SMARCA2: variants seen among roughly 807,000 people sequenced by gnomAD.
The protein encoded by SMARCA2 is SWI/SNF related BAF chromatin remodeling complex subunit ATPase 2.
A neutral mutation model predicts 199.8 loss-of-function variants in SMARCA2; 61 were observed. That is an observed-to-expected ratio of 0.31 (90% CI 0.25 to 0.38). The LOEUF is 0.38. Among genes scored for constraint, SMARCA2 ranks in the 10% least tolerant of loss-of-function variants. SMARCA2 has a pLI of 1.00. For missense variants in SMARCA2, 1,344 were observed against 2,012.2 expected (o/e 0.67, Z 6.35); for synonymous variants, 935 against 732.0 (o/e 1.28, Z -4.48).
chr9:2,146,600 G>C (rs1040788681), intron 27 of SMARCA2, among the ~76,000 whole-genome samples: 7 of 152,176 alleles, frequency 4.6e-5, no homozygotes, highest in African/African-American at 1.7e-4. Context: ...ACAGTAAAGA[G>C]AAAGCAAGTT....
rs1349635282 is a variant in SMARCA2 at position 2,017,048 on chromosome 9, C to G, written c.-37+1644C>G. On this transcript the variant is annotated intron_variant, in intron 1 of 33. Transcript: ENST00000349721. The surrounding 1 kb of genome is among the most constrained non-coding windows in gnomAD (Gnocchi z 8.8). ...GGGCGGGGCGCGGCAGTGCGGGCTC[C>G]GGCGGACACCCGCGCCTTGGCCGGG... 1 of 152,220 alleles carries G rather than the reference C, an allele frequency of 6.6e-6. No individual in the cohort carries two copies. The highest frequency in any genetic ancestry group is 1.5e-5 in the Non-Finnish European group (1 of 68,082). 9.4% of individuals were successfully genotyped at this position (152,220 alleles called of 1,614,324 possible). A position where few individuals can be genotyped will look rare whatever the true frequency, so the allele number is the denominator to read the frequency against.
chr9:2,092,204 G>T (rs939725141), intron 19 of SMARCA2, among the ~76,000 whole-genome samples: 1 of 151,996 alleles, frequency 6.6e-6, no homozygotes, highest in Non-Finnish European at 1.5e-5. Flanking sequence ...CTTGCAATTG[G>T]CTGGGTATTT....
rs377073211 is a variant in SMARCA2, at chr9:2,110,305, C to T, written c.3344C>T (p.Pro1115Leu). 26 of 1,613,536 alleles carry T rather than the reference C, an allele frequency of 1.6e-5. No individual in the cohort carries two copies. Among genetic ancestry groups the T allele is most frequent in the East Asian group, 1.6e-4 (7 of 44,836 alleles). ...RAALLKKFNE[P>L]GSQYFIFLLS... ...GCTTTGCTGAAGAAATTCAATGAAC[C>T]TGGATCCCAGTATTTCATTTTCTTG... The change falls in exon 24 of 34, where the codon CCT (proline) becomes CTT (leucine). Residue 1115 changes from proline to leucine, a missense_variant. Physicochemically the swap from Pro to Leu is moderately conservative, Grantham distance 98. Transcript: ENST00000349721. The surrounding 1 kb of genome is among the most constrained non-coding windows in gnomAD (Gnocchi z 4.8).
intron 5 of SMARCA2, chr9:2,047,699 G>C: frequency 2.7e-6 from 1 of 367,932 alleles, no homozygotes. Context: ...CTGTGGACCC[G>C]AGAGAGTGAT....
intron 32 of SMARCA2, 64 bp from the exon 33 acceptor site, chr9:2,191,202 C>G (rs1563848246): frequency 4.7e-6 from 7 of 1,485,768 alleles, no homozygotes; most frequent in African/African-American, 2.8e-5. Flanking sequence ...GATAGTCTTA[C>G]CACCTATACA....
At chr9:2,151,672 G>A (rs1825089202) in intron 27 of SMARCA2, among the ~76,000 whole-genome samples, 1 of 152,120 alleles carries the variant, frequency 6.6e-6, no homozygotes, top group African/African-American at 2.4e-5. Context: ...GGTGGAGGTT[G>A]CAGTGAGCCA....
At chr9:2,106,258 G>GGT (rs1304901811) in intron 23 of SMARCA2, among the ~76,000 whole-genome samples, 1 of 152,158 alleles carries the variant, frequency 6.6e-6, no homozygotes, top group Non-Finnish European at 1.5e-5. Context: ...GATCCAGAGA[G>GGT]GTATACCCCA....
chr9:2,104,609 A>G lies in SMARCA2; in HGVS notation c.3292+440A>G, dbSNP rs1049631802. ...TCATTCATTTAAGATTATATTTATC[A>G]TTAAAGCCCCTCTCTTCCTAAATAA... is the stretch of plus-strand genomic sequence containing the variant. On this transcript the variant is annotated intron_variant, in intron 23 of 33. Transcript: ENST00000349721. This position sits in a 1 kb window ranked among gnomAD's most constrained non-coding sequence, Gnocchi z 4.0. 1.3e-5 allele frequency among the ~76,000 whole-genome samples: 2 copies of G among 152,198 alleles called. No homozygotes were observed. Among genetic ancestry groups the G allele is most frequent in the African/African-American group, 4.8e-5 (2 of 41,462 alleles).
At chr9:2,186,899 A>C (rs1189939114) in intron 32 of SMARCA2, among the ~76,000 whole-genome samples, 3 of 152,202 alleles carry the variant, frequency 2.0e-5, no homozygotes, top group African/African-American at 7.2e-5. Flanking sequence ...TGCTAATGCC[A>C]CCTATCTTCT....
chr9:2,115,887 C>G lies in SMARCA2; in HGVS notation c.3522C>G (p.Leu1174=), dbSNP rs1319627373. Residue 1174 remains leucine (L), a synonymous_variant, in exon 25 of 34, where the codon CTC becomes CTG. Coordinates refer to ENST00000349721, the MANE Select transcript of SMARCA2 (RefSeq NM_003070.5). This position sits in a 1 kb window ranked among gnomAD's most constrained non-coding sequence, Gnocchi z 6.0. ...GQQNEVRVLR[L]CTVNSVEEKI... is the part of the protein sequence containing the mutation. ...AGAACGAGGTCCGGGTACTGAGGCT[C>G]TGTACCGTGAACAGCGTGGAGGAAA... 6.2e-7 allele frequency: 1 copy of G among 1,614,040 alleles called. No individual in the cohort carries two copies. Among genetic ancestry groups the G allele is most frequent in the Non-Finnish European group, 8.5e-7 (1 of 1,179,990 alleles).
chr9:2,035,266 C>T (rs1325092323), intron 3 of SMARCA2, among the ~76,000 whole-genome samples: 3 of 152,086 alleles, frequency 2.0e-5, no homozygotes, highest in Non-Finnish European at 4.4e-5. Flanking sequence ...GGTCTTTGAA[C>T]TCCTGACCTC....
rs549173007 is a variant in SMARCA2 at position 2,186,671 on chromosome 9, G to A, written c.4594+443G>A. Among the ~76,000 whole-genome samples, 7 of 152,140 alleles carry A rather than the reference G, an allele frequency of 4.6e-5. No homozygotes were observed. The South Asian group carries it at 6.2e-4, about 14-fold the overall frequency. ...CTCCCGAGTAGCTGGAATTACAGGCGTGTGCCACCACGCCCGGCTAATTTT... is the reference window on the plus strand; with the variant it reads ...CTCCCGAGTAGCTGGAATTACAGGCATGTGCCACCACGCCCGGCTAATTTT... On this transcript the variant is annotated intron_variant, in intron 32 of 33. Transcript: ENST00000349721.
At position 2,169,885 on chromosome 9, in the gene SMARCA2, A is replaced by G. The variant is rs1456806299; in HGVS notation, c.4200-534A>G. 6.6e-6 allele frequency among the ~76,000 whole-genome samples: 1 copy of G among 152,222 alleles called. No individual in the cohort carries two copies. The highest frequency in any genetic ancestry group is 1.5e-5 in the Non-Finnish European group (1 of 68,036). ...GAATTCAGTGATCTCTCGAAAAGGA[A>G]TAGAGCTCTTGGAAGCAGAGCTGAC... On this transcript the variant is annotated intron_variant, in intron 28 of 33. Transcript: ENST00000349721. The surrounding 1 kb of genome is among the most constrained non-coding windows in gnomAD (Gnocchi z 6.5).
chr9:2,152,604 C>G (rs891400293), intron 27 of SMARCA2, among the ~76,000 whole-genome samples: 1 of 150,964 alleles, frequency 6.6e-6, no homozygotes, highest in Non-Finnish European at 1.5e-5. Flanking sequence ...GTAATCCCAG[C>G]GCTTTGGGAG....
intron 19 of SMARCA2, among the ~76,000 whole-genome samples, chr9:2,090,513 A>T (rs1441202425): frequency 6.6e-6 from 1 of 152,202 alleles, no homozygotes; most frequent in Non-Finnish European, 1.5e-5. Flanking sequence ...TAGTGTTCTC[A>T]TCAGTGAACT....
Position 2,017,422 on chromosome 9 carries a change from G to C in SMARCA2, c.-37+2018G>C, listed in dbSNP as rs977787323. Reference sequence around the variant, plus strand: ...GTGTGAGTGTGTGTTGTGCGCGCAGGAGCCAGTGCGTCGGGAGCAGCGGCT... The same window carrying C: ...GTGTGAGTGTGTGTTGTGCGCGCAGCAGCCAGTGCGTCGGGAGCAGCGGCT... On this transcript the variant is annotated intron_variant, in intron 1 of 33. Coordinates refer to ENST00000349721, the MANE Select transcript of SMARCA2 (RefSeq NM_003070.5). This position sits in a 1 kb window ranked among gnomAD's most constrained non-coding sequence, Gnocchi z 8.8. The C allele has an allele frequency of 6.6e-6, 1 of 152,264 alleles. No homozygotes were observed. The highest frequency in any genetic ancestry group is 6.5e-5 in the Admixed American group (1 of 15,290). 9.4% of individuals were successfully genotyped at this position (152,264 alleles called of 1,614,324 possible).
rs1299086338 is a variant in SMARCA2, at chr9:2,016,644, G to T, written c.-37+1240G>T. On this transcript the variant is annotated intron_variant, in intron 1 of 33. Coordinates refer to ENST00000349721, the MANE Select transcript of SMARCA2 (RefSeq NM_003070.5). This position sits in a 1 kb window ranked among gnomAD's most constrained non-coding sequence, Gnocchi z 5.6. ...GGGCAGCGGCGGTGTGGTTCGCCCG[G>T]GAAGGGGAAGGGCTGCGGTGGGGAG... Among the ~76,000 whole-genome samples, 1 of 148,898 alleles carries T rather than the reference G, an allele frequency of 6.7e-6. No individual in the cohort carries two copies. Among genetic ancestry groups the T allele is most frequent in the Non-Finnish European group, 1.5e-5 (1 of 66,912 alleles).
intron 27 of SMARCA2, chr9:2,159,962 G>T: frequency 6.4e-7 from 1 of 1,568,904 alleles, no homozygotes. Flanking sequence ...CTACATCCCA[G>T]GCATGTGTAG....
chr9:2,089,844 AT>A (rs1821974958), intron 19 of SMARCA2, among the ~76,000 whole-genome samples: 1 of 152,148 alleles, frequency 6.6e-6, no homozygotes, highest in Admixed American at 6.5e-5. Flanking sequence ...AGTTACGGTG[AT>A]TCTGCAAGTG....
Sources: allele counts gnomAD v4.1 joint callset (sites outside exome capture counted in the v4.1 genomes callset), GRCh38; gene constraint gnomAD v4.1.1; non-coding constraint Gnocchi (gnomAD v3.1); transcripts MANE v1.5; gene names NCBI Gene and HGNC (gene_info 2026-07-23, HGNC 2026-07-21).